Variants in ZBTB2 observed in about 807,000 individuals in gnomAD.
ZBTB2 encodes the protein zinc finger and BTB domain containing 2.
A neutral mutation model predicts 39.5 loss-of-function variants in ZBTB2; 2 were observed. That is an observed-to-expected ratio of 0.05 (90% CI 0.02 to 0.16). The LOEUF (loss-of-function observed/expected upper bound fraction) is 0.16, where lower values mean the gene tolerates loss of function less well. ZBTB2 is among the 10% of genes least tolerant of loss of function. The pLI is 1.00. For missense variants in ZBTB2, 391 were observed against 653.0 expected (o/e 0.60, Z 4.37); for synonymous variants, 251 against 256.6 (o/e 0.98, Z 0.21).
At chr6:151,378,807 GATGATA>G (rs1204828109) in intron 1 of ZBTB2, among the ~76,000 whole-genome samples, 6 of 152,308 alleles carry the variant, frequency 3.9e-5, no homozygotes, top group East Asian at 1.9e-4. Context: ...TTTATCCCTT[GATGATA>G]ATGATAAGAA....
intron 1 of ZBTB2, among the ~76,000 whole-genome samples, 191 bp from the exon 2 acceptor site, chr6:151,373,840 C>CT (rs1344263521): frequency 2.1e-4 from 11 of 52,990 alleles, no homozygotes; most frequent in South Asian, 6.8e-4. Context: ...GTCATTATGC[C>CT]TTTAAAAAAA....
At chr6:151,378,099 C>T (rs1778956966) in intron 1 of ZBTB2, 1 of 152,132 alleles carries the variant, frequency 6.6e-6, no homozygotes. Context: ...TCGCACCAGC[C>T]ATCCACAGCA....
intron 1 of ZBTB2, among the ~76,000 whole-genome samples, chr6:151,379,830 A>G (rs1778992953): frequency 6.6e-6 from 1 of 152,008 alleles, no homozygotes; most frequent in African/African-American, 2.4e-5. Flanking sequence ...GAGGATTTTG[A>G]GGTTTTGGTT....
chr6:151,376,163 T>A (rs1180795884), intron 1 of ZBTB2, among the ~76,000 whole-genome samples: 2 of 152,204 alleles, frequency 1.3e-5, no homozygotes, highest in Non-Finnish European at 2.9e-5. Context: ...ACTTTGACAC[T>A]TAAGTCTCAT....
chr6:151,390,859 G>C (rs953314301), intron 1 of ZBTB2, among the ~76,000 whole-genome samples: 2 of 151,256 alleles, frequency 1.3e-5, no homozygotes, highest in Admixed American at 6.5e-5. Flanking sequence ...GCGGCGGCGA[G>C]GCGTCGGAAG....
At chr6:151,368,147 C>A (rs1696742626) in intron 2 of ZBTB2, among the ~76,000 whole-genome samples, 3 of 151,972 alleles carry the variant, frequency 2.0e-5, no homozygotes, top group Non-Finnish European at 4.4e-5. Context: ...CAAATATTTT[C>A]TTTTCTTTTC....
chr6:151,366,207 C>G lies in ZBTB2; in HGVS notation c.859G>C (p.Gly287Arg). 2 of 1,614,116 alleles carry G rather than the reference C, an allele frequency of 1.2e-6. No homozygotes were observed. Among genetic ancestry groups the G allele is most frequent in the Non-Finnish European group, 1.7e-6 (2 of 1,180,036 alleles). ...AGAGTCAGGGGGACGCGACTTTCTC[C>G]CTGTTGGCTAGATGTGAAAGGTACT... Reference protein sequence around the residue: ...TGVPFTSSQQGESRVPLTLCS... With the variant: ...TGVPFTSSQQRESRVPLTLCS... Residue 287 changes from glycine to arginine, a missense_variant, in exon 3 of 3, where the codon GGA (glycine) becomes CGA (arginine). Gly to Arg is a moderately radical substitution (Grantham distance 125). Coordinates refer to ENST00000325144, the MANE Select transcript of ZBTB2 (RefSeq NM_020861.3). This position sits in a 1 kb window ranked among gnomAD's most constrained non-coding sequence, Gnocchi z 7.1.
At position 151,365,842 on chromosome 6, in the gene ZBTB2, G is replaced by A. The variant is rs370849098; in HGVS notation, c.1224C>T (p.His408=). 6.9e-5 allele frequency: 112 copies of A among 1,614,104 alleles called. No homozygotes were observed. The highest frequency in any genetic ancestry group is 1.1e-4 in the African/African-American group (8 of 74,932). The change falls in exon 3 of 3, where the codon CAC becomes CAT. Residue 408 remains histidine (H), a synonymous_variant. Transcript: ENST00000325144. The surrounding 1 kb of genome is among the most constrained non-coding windows in gnomAD (Gnocchi z 5.6). Reference sequence around the variant, plus strand: ...TGTCGATGCTCTGGTTGAGGCACACGTGGCGGGCAGCCTGGTTGGCCCTGC... The same window carrying A: ...TGTCGATGCTCTGGTTGAGGCACACATGGCGGGCAGCCTGGTTGGCCCTGC... ...SFCRANQAAR[H]VCLNQSIDTY...
chr6:151,382,471 T>C (rs955587822), intron 1 of ZBTB2, among the ~76,000 whole-genome samples: 2 of 151,830 alleles, frequency 1.3e-5, no homozygotes, highest in African/African-American at 4.8e-5. Context: ...GTCAGGCTGG[T>C]TTCGAACTCC....
chr6:151,366,611 G>A lies in ZBTB2; in HGVS notation c.455C>T (p.Pro152Leu), dbSNP rs748398649. The A allele has an allele frequency of 6.2e-7, 1 of 1,614,144 alleles. No homozygotes were observed. ...CCGTGGATCTCGCCCGAGTTTTTCA[G>A]GTGCTGAAGCAATCTTGGTGGCTTG... ...LRQATKIASAPEKLGRDPRPQ... is the reference protein window; with the variant it reads ...LRQATKIASALEKLGRDPRPQ... Residue 152 changes from proline (P) to leucine (L), a missense_variant, in exon 3 of 3, where the codon CCT becomes CTT. Physicochemically the swap from Pro to Leu is moderately conservative, Grantham distance 98 (BLOSUM62 -3). Around this residue, in one of 7 missense-constraint regions of ZBTB2, gnomAD observed 175 missense variants for 198.6 expected, o/e 0.88. Transcript: ENST00000325144. This position sits in a 1 kb window ranked among gnomAD's most constrained non-coding sequence, Gnocchi z 7.1.
At position 151,366,923 on chromosome 6, in the gene ZBTB2, TA is replaced by T; in HGVS notation, c.174-32del. The T allele has an allele frequency of 6.4e-7, 1 of 1,568,792 alleles. No homozygotes were observed. The highest frequency in any genetic ancestry group is 8.6e-7 in the Non-Finnish European group (1 of 1,157,706). On this transcript the variant is annotated intron_variant, in intron 2 of 2. Coordinates refer to ENST00000325144, the MANE Select transcript of ZBTB2 (RefSeq NM_020861.3). The surrounding 1 kb of genome is among the most constrained non-coding windows in gnomAD (Gnocchi z 7.1). ...AGAAACAAGTAAAAAAATACGTGAG[TA>T]AATGCCAGTCTAGGTGTTAACATAA...
In ZBTB2 at chr6:151,365,816, G is replaced by C; in HGVS notation, c.1250C>G (p.Thr417Ser). The change falls in exon 3 of 3, where the codon ACT becomes AGT. Residue 417 changes from threonine (T) to serine (S), a missense_variant. This residue lies in a region of ZBTB2 where 32 missense variants were observed against 73.5 expected (regional missense o/e 0.44). Coordinates refer to ENST00000325144, the MANE Select transcript of ZBTB2 (RefSeq NM_020861.3). The surrounding 1 kb of genome is among the most constrained non-coding windows in gnomAD (Gnocchi z 5.6). ...AGTCTGTTTGTCCACCATGGTGTAAGTGTCGATGCTCTGGTTGAGGCACAC... is the reference window on the plus strand; with the variant it reads ...AGTCTGTTTGTCCACCATGGTGTAACTGTCGATGCTCTGGTTGAGGCACAC... ...RHVCLNQSID[T>S]YTMVDKQTLE... 6.2e-7 allele frequency: 1 copy of C among 1,614,244 alleles called. No individual in the cohort carries two copies. Among genetic ancestry groups the C allele is most frequent in the Non-Finnish European group, 8.5e-7 (1 of 1,180,048 alleles).
intron 1 of ZBTB2, among the ~76,000 whole-genome samples, chr6:151,374,785 G>A (rs1176814934): frequency 7.3e-6 from 1 of 137,416 alleles, no homozygotes; most frequent in Non-Finnish European, 1.6e-5. Flanking sequence ...AACACAGAAA[G>A]TCCCAAGGCA....
At chr6:151,377,535 ATTTT>A (rs769474299) in intron 1 of ZBTB2, among the ~76,000 whole-genome samples, 1 of 103,458 alleles carries the variant, frequency 9.7e-6, no homozygotes, top group Admixed American at 1.0e-4. Flanking sequence ...TGTCTGGCTA[ATTTT>A]TTTTTTTTTT....
intron 1 of ZBTB2, among the ~76,000 whole-genome samples, chr6:151,376,878 C>T (rs892819845): frequency 6.6e-6 from 1 of 152,194 alleles, no homozygotes; most frequent in Non-Finnish European, 1.5e-5. Context: ...TATGTTCACA[C>T]AAAAACCTGT....
chr6:151,372,974 G>A (rs1005437855), intron 2 of ZBTB2, among the ~76,000 whole-genome samples: 8 of 151,798 alleles, frequency 5.3e-5, no homozygotes, highest in Admixed American at 2.0e-4. Flanking sequence ...CTAACACAGT[G>A]AAACCCCGTC....
intron 2 of ZBTB2, among the ~76,000 whole-genome samples, chr6:151,368,803 G>T (rs1049883349): frequency 6.7e-6 from 1 of 148,202 alleles, no homozygotes; most frequent in African/African-American, 2.5e-5. Context: ...TTGCTCTGCT[G>T]CCCAGGCTGG....
chr6:151,367,278 G>A (rs1045183252), intron 2 of ZBTB2, among the ~76,000 whole-genome samples: 3 of 151,920 alleles, frequency 2.0e-5, no homozygotes, highest in South Asian at 2.1e-4. Flanking sequence ...TCACTACCAC[G>A]CCCAGTTAAT....
rs1175745338 is a variant in ZBTB2, at chr6:151,365,172, AG to A, written c.*348del. On this transcript the variant is annotated 3_prime_UTR_variant, in exon 3 of 3. Transcript: ENST00000325144. The surrounding 1 kb of genome is among the most constrained non-coding windows in gnomAD (Gnocchi z 5.6). ...GTTTTTCTGAGAAGACTTTTTACCCAGGGAAAGTCATAATTTTAGCTTACCA... is the reference window on the plus strand; with the variant it reads ...GTTTTTCTGAGAAGACTTTTTACCCAGGAAAGTCATAATTTTAGCTTACCA... 1 of 198,188 alleles carries A rather than the reference AG, an allele frequency of 5.0e-6. No individual in the cohort carries two copies. The highest frequency in any genetic ancestry group is 2.4e-5 in the African/African-American group (1 of 42,396). The allele number at this position is 198,188 out of a possible 1,614,324, so 12.3% of individuals were successfully genotyped here.
Sources: gnomAD v4.1 joint callset for allele counts (sites outside exome capture counted in the v4.1 genomes callset) on GRCh38, gnomAD v4.1.1 for gene constraint, gnomAD v4.1.1 regional missense constraint, Gnocchi (gnomAD v3.1) non-coding constraint, MANE v1.5 for transcripts, NCBI Gene and HGNC (gene_info 2026-07-23, HGNC 2026-07-21) for gene names.